ADGRA3: variants seen among roughly 807,000 people sequenced by gnomAD.
ADGRA3 encodes G-protein coupled receptor 125.
In ADGRA3, 56 loss-of-function variants were observed where a neutral mutation model predicts 119.8. The observed-to-expected ratio is 0.47, with a 90% CI of 0.38 to 0.58. ADGRA3 has a LOEUF of 0.58. ADGRA3 is among the 20% of genes least tolerant of loss of function. The probability of loss-of-function intolerance (pLI) is 0.00; values close to 1 mark genes in which losing one functional copy is unlikely to be tolerated. For synonymous variants in ADGRA3, 607 were observed against 623.8 expected, an observed-to-expected ratio of 0.97 and a Z score of 0.40; for missense variants, 1,516 against 1,649.0, an observed-to-expected ratio of 0.92 and a Z score of 1.40.
intron 16 of ADGRA3, chr4:22,393,992 G>A (rs1345089716): frequency 1.3e-5 from 2 of 152,176 alleles, no homozygotes; most frequent in African/African-American, 4.8e-5. Flanking sequence ...AGATGAAGAT[G>A]TGAGGAAATG....
At chr4:22,397,269 C>T (rs1046646599) in intron 16 of ADGRA3, among the ~76,000 whole-genome samples, 2 of 149,042 alleles carry the variant, frequency 1.3e-5, no homozygotes, top group Non-Finnish European at 3.0e-5. Context: ...GCAACCTCTG[C>T]CTCCCAGATT....
chr4:22,428,950 G>A (rs1411361513), intron 10 of ADGRA3, among the ~76,000 whole-genome samples: 1 of 152,104 alleles, frequency 6.6e-6, no homozygotes, highest in African/African-American at 2.4e-5. Flanking sequence ...TAACAGTGGA[G>A]GAACTGAAGA....
At chr4:22,487,280 T>A (rs910274023) in intron 1 of ADGRA3, among the ~76,000 whole-genome samples, 1 of 152,180 alleles carries the variant, frequency 6.6e-6, no homozygotes, top group South Asian at 2.1e-4. Context: ...CCTTTTTAGC[T>A]CCAGGAATTG....
chr4:22,450,018 T>C (rs533046671), intron 4 of ADGRA3, among the ~76,000 whole-genome samples: 9 of 152,294 alleles, frequency 5.9e-5, no homozygotes, highest in South Asian at 2.1e-4. Context: ...TTGGAACAGA[T>C]TGCCATTTGT....
At chr4:22,461,490 G>A (rs1212119925) in intron 3 of ADGRA3, among the ~76,000 whole-genome samples, 1 of 152,070 alleles carries the variant, frequency 6.6e-6, no homozygotes, top group Non-Finnish European at 1.5e-5. Context: ...AGTAGAGACG[G>A]GGTTTCACCA....
intron 2 of ADGRA3, among the ~76,000 whole-genome samples, chr4:22,463,673 G>T (rs1324387135): frequency 6.6e-6 from 1 of 152,218 alleles, no homozygotes; most frequent in Non-Finnish European, 1.5e-5. Context: ...CTCATAACAT[G>T]TGAGTTTTCT....
At chr4:22,508,507 C>A (rs958418614) in intron 1 of ADGRA3, among the ~76,000 whole-genome samples, 1 of 152,308 alleles carries the variant, frequency 6.6e-6, no homozygotes, top group East Asian at 1.9e-4. Flanking sequence ...AAAAAGTAAT[C>A]TGTGCTGGGT....
At chr4:22,469,887 A>T (rs1717795139) in intron 2 of ADGRA3, among the ~76,000 whole-genome samples, 1 of 152,216 alleles carries the variant, frequency 6.6e-6, no homozygotes, top group Non-Finnish European at 1.5e-5. Flanking sequence ...ACTCGCAGAC[A>T]TTCACAGTGC....
intron 1 of ADGRA3, among the ~76,000 whole-genome samples, chr4:22,479,272 G>C (rs907401283): frequency 1.3e-5 from 2 of 152,098 alleles, no homozygotes; most frequent in African/African-American, 4.8e-5. Flanking sequence ...GACCATCCTG[G>C]CTAACACAGT....
chr4:22,506,955 C>G (rs533971290), intron 1 of ADGRA3, among the ~76,000 whole-genome samples: 2 of 152,026 alleles, frequency 1.3e-5, no homozygotes, highest in Non-Finnish European at 2.9e-5. Flanking sequence ...TACTAATACT[C>G]GGCCAGGTGC....
chr4:22,446,495 T>G (rs1716832898), intron 5 of ADGRA3, among the ~76,000 whole-genome samples: 1 of 151,908 alleles, frequency 6.6e-6, no homozygotes. Flanking sequence ...ATGGTAAGGG[T>G]GCCAAAAAGA....
chr4:22,425,320 T>C lies in ADGRA3; in HGVS notation c.1444-968A>G, dbSNP rs185528871. ...TAAATGCACTCTTCCACTGTTTGTT[T>C]TACTTGTTTCATTTACTGGATTCTT... On this transcript the variant is annotated intron_variant, in intron 10 of 18. Coordinates refer to ENST00000334304, the MANE Select transcript of ADGRA3 (RefSeq NM_145290.4). Among the ~76,000 whole-genome samples the C allele has an allele frequency of 2.6e-5, 4 of 152,338 alleles. No individual in the cohort carries two copies. In the East Asian group the frequency reaches 7.7e-4, roughly 29 times the overall value.
At chr4:22,497,902 C>G (rs1267777219) in intron 1 of ADGRA3, among the ~76,000 whole-genome samples, 1 of 148,330 alleles carries the variant, frequency 6.7e-6, no homozygotes, top group Non-Finnish European at 1.5e-5. Flanking sequence ...TATGATCAAA[C>G]CACTTCACTC....
chr4:22,407,471 A>C (rs1374343470), intron 14 of ADGRA3, among the ~76,000 whole-genome samples: 2 of 152,136 alleles, frequency 1.3e-5, no homozygotes, highest in Non-Finnish European at 2.9e-5. Flanking sequence ...GTGGTATGAG[A>C]CACCTTTGAG....
chr4:22,478,375 T>A (rs1207328453), intron 1 of ADGRA3: 2 of 152,192 alleles, frequency 1.3e-5, no homozygotes, highest in South Asian at 2.1e-4. Flanking sequence ...ATGGAGTGAA[T>A]CATGGAAAAC....
At chr4:22,421,510 G>A (rs917421726) in intron 11 of ADGRA3, among the ~76,000 whole-genome samples, 5 of 152,160 alleles carry the variant, frequency 3.3e-5, no homozygotes, top group African/African-American at 1.2e-4. Context: ...TTTGGGAAAT[G>A]CACTCGACAC....
chr4:22,431,978 T>C (rs1221096314), intron 10 of ADGRA3, among the ~76,000 whole-genome samples: 1 of 152,104 alleles, frequency 6.6e-6, no homozygotes, highest in African/African-American at 2.4e-5. Context: ...TCAGTTAAAG[T>C]TGCAGTTTCC....
intron 8 of ADGRA3, 39 bp from the exon 9 acceptor site, chr4:22,436,680 G>T: frequency 6.5e-7 from 1 of 1,526,914 alleles, no homozygotes; most frequent in South Asian, 1.1e-5. Flanking sequence ...AAATCTAAAT[G>T]ACACGGGTAC....
intron 1 of ADGRA3, among the ~76,000 whole-genome samples, chr4:22,491,620 C>T (rs566159439): frequency 6.6e-6 from 1 of 152,230 alleles, no homozygotes; most frequent in Admixed American, 6.5e-5. Flanking sequence ...CTGATCATCC[C>T]GTACTGCCTT....
Sources: allele counts gnomAD v4.1 joint callset (sites outside exome capture counted in the v4.1 genomes callset), GRCh38; gene constraint gnomAD v4.1.1; transcripts MANE v1.5; gene names NCBI Gene and HGNC (gene_info 2026-07-23, HGNC 2026-07-21).